The following CDKAL1 variants were observed in gnomAD, a reference collection of about 807,000 sequenced individuals.
The protein encoded by CDKAL1 is threonylcarbamoyladenosine tRNA methylthiotransferase.
Under a neutral mutation model 68.2 loss-of-function variants are expected in CDKAL1, and 32 were observed. That is an observed-to-expected ratio of 0.47 (90% CI 0.35 to 0.63). CDKAL1 has a LOEUF of 0.63. CDKAL1 is among the 30% of genes least tolerant of loss of function. The probability of loss-of-function intolerance (pLI) is 0.00; values close to 1 mark genes in which losing one functional copy is unlikely to be tolerated. For missense variants in CDKAL1, 606 were observed against 696.7 expected (o/e 0.87, Z 1.47); for synonymous variants, 234 against 244.3 (o/e 0.96, Z 0.39).
At chr6:21,189,052 A>C (rs954511849) in intron 13 of CDKAL1, among the ~76,000 whole-genome samples, 2 of 152,146 alleles carry the variant, frequency 1.3e-5, no homozygotes, top group Non-Finnish European at 2.9e-5. Context: ...GTTACTAAGA[A>C]TGGGATTTTG....
intron 11 of CDKAL1, among the ~76,000 whole-genome samples, chr6:21,010,519 C>T (rs1349063133): frequency 6.6e-6 from 1 of 152,138 alleles, no homozygotes; most frequent in Non-Finnish European, 1.5e-5. Context: ...AATGATGGGT[C>T]ACTGTTGCCT....
intron 13 of CDKAL1, among the ~76,000 whole-genome samples, chr6:21,151,480 T>C (rs1776408213): frequency 6.6e-6 from 1 of 152,224 alleles, no homozygotes; most frequent in African/African-American, 2.4e-5. Context: ...GTTTTGTTCA[T>C]TGAACCTTGA....
chr6:20,650,368 A>C (rs1768700351), intron 5 of CDKAL1, among the ~76,000 whole-genome samples: 1 of 152,010 alleles, frequency 6.6e-6, no homozygotes, highest in Non-Finnish European at 1.5e-5. Flanking sequence ...TCTTTTGAGA[A>C]GTGTCCATGT....
At chr6:20,839,466 C>T (rs1778088848) in intron 8 of CDKAL1, among the ~76,000 whole-genome samples, 1 of 152,076 alleles carries the variant, frequency 6.6e-6, no homozygotes, top group Non-Finnish European at 1.5e-5. Context: ...AAGTGTGTTG[C>T]TCTGTGACAT....
chr6:20,595,675 C>A (rs1765788730), intron 4 of CDKAL1, among the ~76,000 whole-genome samples: 1 of 152,088 alleles, frequency 6.6e-6, no homozygotes, highest in South Asian at 2.1e-4. Flanking sequence ...CTACTTCTGT[C>A]AGTTCGTCAC....
intron 9 of CDKAL1, among the ~76,000 whole-genome samples, chr6:20,876,180 C>T (rs890354682): frequency 1.3e-5 from 2 of 152,218 alleles, no homozygotes; most frequent in East Asian, 1.9e-4. Context: ...AGGATCTGAG[C>T]ACCCTGGTGG....
At chr6:20,694,204 A>G (rs139828195) in intron 5 of CDKAL1, among the ~76,000 whole-genome samples, 94 of 151,460 alleles carry the variant, frequency 6.2e-4, no homozygotes, top group African/African-American at 2.2e-3. Flanking sequence ...AAACAAGCAA[A>G]CAAACAAACG....
intron 5 of CDKAL1, among the ~76,000 whole-genome samples, chr6:20,677,856 T>G (rs1175809811): frequency 1.3e-5 from 2 of 152,224 alleles, no homozygotes; most frequent in Non-Finnish European, 2.9e-5. Flanking sequence ...TTTAGAAATC[T>G]TCTAATTTAG....
intron 11 of CDKAL1, among the ~76,000 whole-genome samples, chr6:21,009,554 A>G (rs535268993): frequency 3.9e-4 from 59 of 152,322 alleles, no homozygotes; most frequent in African/African-American, 1.3e-3. Context: ...CTGTTCCCCC[A>G]TGTTTATTGC....
intron 8 of CDKAL1, among the ~76,000 whole-genome samples, chr6:20,809,704 A>C (rs892776166): frequency 6.6e-6 from 1 of 152,242 alleles, no homozygotes; most frequent in Non-Finnish European, 1.5e-5. Flanking sequence ...CAATTGAAGA[A>C]TAAGTAAACG....
At chr6:21,168,829 A>G (rs1276593503) in intron 13 of CDKAL1, among the ~76,000 whole-genome samples, 1 of 152,178 alleles carries the variant, frequency 6.6e-6, no homozygotes, top group Non-Finnish European at 1.5e-5. Context: ...CTTGCTTTTA[A>G]TTCGCATCTA....
chr6:20,651,539 G>A (rs1768771681), intron 5 of CDKAL1, among the ~76,000 whole-genome samples: 4 of 152,044 alleles, frequency 2.6e-5, no homozygotes, highest in Admixed American at 2.6e-4. Context: ...ATTTGAATAC[G>A]CTTTATTTTT....
intron 8 of CDKAL1, among the ~76,000 whole-genome samples, chr6:20,833,146 A>G (rs1777787254): frequency 6.6e-6 from 1 of 152,278 alleles, no homozygotes; most frequent in African/African-American, 2.4e-5. Flanking sequence ...TGAAGCATTT[A>G]TTGGAGAATG....
At chr6:20,891,534 G>GTTT (rs1761397673) in intron 9 of CDKAL1, among the ~76,000 whole-genome samples, 1 of 92,136 alleles carries the variant, frequency 1.1e-5, no homozygotes. Context: ...TCTTTTTTCT[G>GTTT]TATTTTTTTT....
intron 10 of CDKAL1, among the ~76,000 whole-genome samples, chr6:20,963,045 G>T (rs1581921985): frequency 6.6e-6 from 1 of 152,114 alleles, no homozygotes; most frequent in Non-Finnish European, 1.5e-5. Flanking sequence ...TATTAAAAGG[G>T]CTCATATACA....
At chr6:21,038,239 A>G (rs908638756) in intron 11 of CDKAL1, among the ~76,000 whole-genome samples, 3 of 152,224 alleles carry the variant, frequency 2.0e-5, no homozygotes, top group Non-Finnish European at 2.9e-5. Context: ...AGCTCTGTCA[A>G]ATAGATTTAG....
At chr6:21,061,270 C>A (rs1771126950) in intron 11 of CDKAL1, among the ~76,000 whole-genome samples, 2 of 151,890 alleles carry the variant, frequency 1.3e-5, no homozygotes, top group Non-Finnish European at 1.5e-5. Flanking sequence ...TTTAATAAGC[C>A]CATTTTGCCA....
At chr6:21,034,060 G>C (rs906316478) in intron 11 of CDKAL1, among the ~76,000 whole-genome samples, 1 of 152,154 alleles carries the variant, frequency 6.6e-6, no homozygotes, top group Non-Finnish European at 1.5e-5. Context: ...AGGGAAAGAG[G>C]ATGGTGGAGT....
intron 10 of CDKAL1, among the ~76,000 whole-genome samples, chr6:20,999,656 C>T (rs1339459694): frequency 6.8e-4 from 54 of 79,120 alleles, no homozygotes; most frequent in Admixed American, 4.0e-3. Flanking sequence ...AAATATGTGA[C>T]TGAAATTAAA....
Sources: allele counts gnomAD v4.1 joint callset (sites outside exome capture counted in the v4.1 genomes callset), GRCh38; gene constraint gnomAD v4.1.1; transcripts MANE v1.5; gene names NCBI Gene and HGNC (gene_info 2026-07-23, HGNC 2026-07-21).